ARHGEF2: variants seen among roughly 807,000 people sequenced by gnomAD.
The protein encoded by ARHGEF2 is rho guanine nucleotide exchange factor 2.
ARHGEF2 carries 22 observed loss-of-function variants against 121.0 expected under a neutral mutation model. That is an observed-to-expected ratio of 0.18 (90% CI 0.13 to 0.26). ARHGEF2 has a LOEUF of 0.26. Among genes scored for constraint, ARHGEF2 ranks in the 10% least tolerant of loss-of-function variants. ARHGEF2 has a pLI of 1.00. For synonymous variants in ARHGEF2, 487 were observed against 530.0 expected (o/e 0.92, Z 1.11); for missense variants, 907 against 1,336.0 (o/e 0.68, Z 5.01).
intron 2 of ARHGEF2, 173 bp downstream of exon 2, chr1:155,968,983 C>T: frequency 1.4e-6 from 1 of 720,738 alleles, no homozygotes; most frequent in Non-Finnish European, 2.3e-6. Flanking sequence ...CAGCCACCAC[C>T]CCTCAGAGTG....
intron 21 of ARHGEF2, among the ~76,000 whole-genome samples, chr1:155,948,329 GA>G (rs1004542852): frequency 2.6e-5 from 4 of 152,072 alleles, no homozygotes; most frequent in African/African-American, 9.7e-5. Context: ...GAAGTTCTTT[GA>G]AACTTTTTTT....
chr1:155,966,371 G>A (rs1305602011), intron 4 of ARHGEF2, 45 bp downstream of exon 4: 6 of 1,598,194 alleles, frequency 3.8e-6, no homozygotes, highest in Non-Finnish European at 5.1e-6. Flanking sequence ...GAGCAGCCTG[G>A]GGTCCAGGGT....
chr1:155,960,972 C>T (rs1271579096), intron 11 of ARHGEF2, among the ~76,000 whole-genome samples: 1 of 152,206 alleles, frequency 6.6e-6, no homozygotes, highest in African/African-American at 2.4e-5. Flanking sequence ...GTCCCCTCCT[C>T]TGGGCCTCCT....
Position 155,950,860 on chromosome 1 carries a change from T to C in ARHGEF2, c.2672A>G (p.Asp891Gly). The C allele has an allele frequency of 6.5e-7, 1 of 1,542,616 alleles. No individual in the cohort carries two copies. The highest frequency in any genetic ancestry group is 8.7e-7 in the Non-Finnish European group (1 of 1,145,336). The change falls in exon 20 of 22, where the codon GAT (aspartate) becomes GGT (glycine). Residue 891 changes from aspartate to glycine, a missense_variant. Physicochemically the swap from Asp to Gly is moderately conservative, Grantham distance 94. Coordinates refer to ENST00000361247, the MANE Select transcript of ARHGEF2 (RefSeq NM_001162383.2). The surrounding 1 kb of genome is among the most constrained non-coding windows in gnomAD (Gnocchi z 5.2). Reference protein sequence around the residue: ...DPRRRSLPAGDALYLSFNPPQ... With the variant: ...DPRRRSLPAGGALYLSFNPPQ... ...GGGGTTGAAACTCAAGTACAGGGCA[T>C]CGCCTGCGGGGAGGCTGCGCCGCCG...
chr1:155,978,534 A>T lies in ARHGEF2; in HGVS notation c.-107T>A, dbSNP rs985968824. On this transcript the variant is annotated 5_prime_UTR_variant, in exon 1 of 22. Transcript: ENST00000361247. The surrounding 1 kb of genome is among the most constrained non-coding windows in gnomAD (Gnocchi z 4.1). ...GCCCGCACGCGTTGGTCTCGGGGAC[A>T]GGAAGTCTGACTCCCCTCGCCCGGC... 25 of 1,280,338 alleles carry T rather than the reference A, an allele frequency of 2.0e-5. No individual in the cohort carries two copies. Among genetic ancestry groups the T allele is most frequent in the Non-Finnish European group, 2.5e-5 (25 of 1,005,856 alleles). 79.3% of individuals were successfully genotyped at this position (1,280,338 alleles called of 1,614,324 possible). A position where few individuals can be genotyped will look rare whatever the true frequency, so the allele number is the denominator to read the frequency against.
intron 2 of ARHGEF2, 50 bp from the exon 3 acceptor site, chr1:155,966,937 G>T: frequency 6.4e-7 from 1 of 1,552,200 alleles, no homozygotes. Context: ...TGGTACAGGA[G>T]GGGACACACC....
In ARHGEF2 at chr1:155,951,923, T is replaced by C. The variant is rs1675555883; in HGVS notation, c.2168A>G (p.Gln723Arg). The change falls in exon 17 of 22, where the codon CAG becomes CGG. Residue 723 changes from glutamine to arginine, a missense_variant. Gln to Arg is a conservative substitution (Grantham distance 43). This residue lies in a region of ARHGEF2 where 432 missense variants were observed against 559.5 expected (regional missense o/e 0.77). Coordinates refer to ENST00000361247, the MANE Select transcript of ARHGEF2 (RefSeq NM_001162383.2). This position sits in a 1 kb window ranked among gnomAD's most constrained non-coding sequence, Gnocchi z 5.1. ...CAGAACCTCTTGAGGACCTACCCTC[T>C]GGCTAGAGTCTGAGTCAGCTCTGCA... ...ELCRADSDSS[Q>R]RDRNGNQLRS... is the part of the protein sequence containing the mutation. 6.2e-7 allele frequency: 1 copy of C among 1,614,116 alleles called. No homozygotes were observed. Among genetic ancestry groups the C allele is most frequent in the Non-Finnish European group, 8.5e-7 (1 of 1,180,004 alleles).
chr1:155,954,977 G>T lies in ARHGEF2; in HGVS notation c.1716-8C>A. 6.2e-6 allele frequency: 10 copies of T among 1,610,200 alleles called. No individual in the cohort carries two copies. Among genetic ancestry groups the T allele is most frequent in the Non-Finnish European group, 8.5e-6 (10 of 1,178,116 alleles). ...TCCTCCCTGGATGGGCATCTGGAGGGGTAACAGGTCGCATGCCATTGAGAG... is the reference window on the plus strand; with the variant it reads ...TCCTCCCTGGATGGGCATCTGGAGGTGTAACAGGTCGCATGCCATTGAGAG... On this transcript the variant is annotated splice_polypyrimidine_tract_variant and splice_region_variant and intron_variant, in intron 13 of 21. Transcript: ENST00000361247.
Position 155,950,537 on chromosome 1 carries a change from T to C in ARHGEF2, c.2704-55A>G. The C allele has an allele frequency of 6.4e-7, 1 of 1,572,250 alleles. No individual in the cohort carries two copies. The highest frequency in any genetic ancestry group is 8.7e-7 in the Non-Finnish European group (1 of 1,147,814). ...GTCAGGGACTGAGTAGTGTGAAGATTGGAGGTTCTGCTTGGCTGAAGGCAG... is the reference window on the plus strand; with the variant it reads ...GTCAGGGACTGAGTAGTGTGAAGATCGGAGGTTCTGCTTGGCTGAAGGCAG... On this transcript the variant is annotated intron_variant, in intron 20 of 21. Transcript: ENST00000361247. This position sits in a 1 kb window ranked among gnomAD's most constrained non-coding sequence, Gnocchi z 5.2.
At chr1:155,964,170 ATAT>A (rs1558030724) in intron 7 of ARHGEF2, among the ~76,000 whole-genome samples, 125 of 63,262 alleles carry the variant, frequency 2.0e-3, no homozygotes, top group South Asian at 7.5e-3. Flanking sequence ...AAAAAAAAAT[ATAT>A]ATATATATAT....
intron 7 of ARHGEF2, among the ~76,000 whole-genome samples, chr1:155,964,372 C>G (rs1167474201): frequency 6.6e-6 from 1 of 151,326 alleles, no homozygotes; most frequent in Non-Finnish European, 1.5e-5. Flanking sequence ...ACCTTATCAT[C>G]TCAAGCTGTG....
Position 155,961,895 on chromosome 1 carries a change from G to A in ARHGEF2, c.1234C>T (p.Arg412Cys), listed in dbSNP as rs781587819. The A allele has an allele frequency of 1.7e-5, 27 of 1,613,996 alleles. No individual in the cohort carries two copies. Among genetic ancestry groups the A allele is most frequent in the South Asian group, 8.8e-5 (8 of 91,082 alleles). The change falls in exon 11 of 22, where the codon CGC (arginine) becomes TGC (cysteine). Residue 412 changes from arginine (R) to cysteine (C), a missense_variant. Coordinates refer to ENST00000361247, the MANE Select transcript of ARHGEF2 (RefSeq NM_001162383.2). The surrounding 1 kb of genome is among the most constrained non-coding windows in gnomAD (Gnocchi z 4.7). ...CCCAGTGCTGTGGTCAGGTCCTGGC[G>A]CTCCTCCTCGATCCCTGGCACCGGG... ...LQHSHGIEEE[R>C]QDLTTALGLV...
intron 13 of ARHGEF2, 26 bp downstream of exon 13, chr1:155,957,687 C>T (rs1676973602): frequency 1.3e-6 from 2 of 1,592,814 alleles, no homozygotes; most frequent in African/African-American, 1.3e-5. Context: ...GTCATAAGCA[C>T]ATGCAGGCGG....
upstream of ARHGEF2, chr1:155,978,646 C>CCGCG: frequency 8.3e-7 from 1 of 1,199,278 alleles, no homozygotes. This position sits in a 1 kb window ranked among gnomAD's most constrained non-coding sequence, Gnocchi z 4.1. Flanking sequence ...GGCGGGGTGC[C>CCGCG]CGCGCGCAGG....
In ARHGEF2 at chr1:155,951,575, T is replaced by C; in HGVS notation, c.2209-42A>G. On this transcript the variant is annotated intron_variant, in intron 18 of 21. Coordinates refer to ENST00000361247, the MANE Select transcript of ARHGEF2 (RefSeq NM_001162383.2). This position sits in a 1 kb window ranked among gnomAD's most constrained non-coding sequence, Gnocchi z 5.1. ...TGGGAACAGGGCCCCAGCTTTAGGA[T>C]GGGAGAACTGCCCAAAAGTTGAACA... 1 of 1,613,880 alleles carries C rather than the reference T, an allele frequency of 6.2e-7. No homozygotes were observed. Among genetic ancestry groups the C allele is most frequent in the Non-Finnish European group, 8.5e-7 (1 of 1,179,802 alleles).
At chr1:155,975,956 G>C (rs1414790280) in intron 1 of ARHGEF2, among the ~76,000 whole-genome samples, 1 of 152,152 alleles carries the variant, frequency 6.6e-6, no homozygotes, top group African/African-American at 2.4e-5. Flanking sequence ...GAGGACTGAA[G>C]ACAGCCTGGG....
chr1:155,978,297 A>G lies in ARHGEF2; in HGVS notation c.63+68T>C. The G allele has an allele frequency of 2.9e-6, 4 of 1,392,468 alleles. No individual in the cohort carries two copies. The highest frequency in any genetic ancestry group is 3.8e-6 in the Non-Finnish European group (4 of 1,049,332). 86.3% of individuals were successfully genotyped at this position (1,392,468 alleles called of 1,614,324 possible). A position where few individuals can be genotyped will look rare whatever the true frequency, so the allele number is the denominator to read the frequency against. On this transcript the variant is annotated intron_variant, in intron 1 of 21. Transcript: ENST00000361247. This position sits in a 1 kb window ranked among gnomAD's most constrained non-coding sequence, Gnocchi z 4.1. ...AAGCAGGCGGGGAGACAGGAGATGC[A>G]CCGCGGGTGCCGGGGTTCGGGGAGC...
intron 2 of ARHGEF2, chr1:155,968,180 C>A (rs892329718): frequency 6.7e-6 from 1 of 148,208 alleles, no homozygotes; most frequent in Non-Finnish European, 1.5e-5. Context: ...AGTAGGGAGG[C>A]TTCACTGGTT....
chr1:155,970,422 C>T, intron 1 of ARHGEF2: 1 of 985,492 alleles, frequency 1.0e-6, no homozygotes, highest in Non-Finnish European at 1.2e-6. Flanking sequence ...TATTCTAGGA[C>T]CTTCCTTAGT....
Sources: allele counts gnomAD v4.1 joint callset (sites outside exome capture counted in the v4.1 genomes callset), GRCh38; gene constraint gnomAD v4.1.1; regional missense constraint gnomAD v4.1.1; non-coding constraint Gnocchi (gnomAD v3.1); transcripts MANE v1.5; gene names NCBI Gene and HGNC (gene_info 2026-07-23, HGNC 2026-07-21).